The following ZFR variants were observed in gnomAD, a reference collection of about 807,000 sequenced individuals.
ZFR encodes zinc finger RNA binding protein, also known as zinc finger RNA-binding protein.
Under a neutral mutation model 130.7 loss-of-function variants are expected in ZFR, and 19 were observed. That is an observed-to-expected ratio of 0.15 (90% CI 0.10 to 0.21). The LOEUF (loss-of-function observed/expected upper bound fraction) is 0.21. Ranked by LOEUF, ZFR falls within the 10% of genes least tolerant of loss-of-function variation. ZFR has a pLI of 1.00. For synonymous variants in ZFR, 466 were observed against 456.9 expected (o/e 1.02, Z -0.25); for missense variants, 872 against 1,321.5 (o/e 0.66, Z 5.27).
intron 5 of ZFR, among the ~76,000 whole-genome samples, chr5:32,414,322 C>G (rs1231660103): frequency 6.6e-6 from 1 of 152,150 alleles, no homozygotes; most frequent in East Asian, 1.9e-4. Context: ...AAAGCTGAGT[C>G]TCTACAAAAA....
chr5:32,381,241 G>T (rs1359519392), intron 15 of ZFR, among the ~76,000 whole-genome samples: 2 of 152,090 alleles, frequency 1.3e-5, no homozygotes, highest in Non-Finnish European at 2.9e-5. Context: ...ACCAGGACAA[G>T]AAGTTAACTT....
chr5:32,414,732 T>C lies in ZFR; in HGVS notation c.784+237A>G, dbSNP rs573316817. 9.2e-5 allele frequency among the ~76,000 whole-genome samples: 14 copies of C among 152,314 alleles called. No individual in the cohort carries two copies. In the East Asian group the frequency reaches 2.1e-3, roughly 23 times the overall value. On this transcript the variant is annotated intron_variant, in intron 5 of 19. Coordinates refer to ENST00000265069, the MANE Select transcript of ZFR (RefSeq NM_016107.5). ...ATTGCAATGCTAAGCCCAAGACTCATAATGAGCCTTAAAACCCCCAAGAAC... is the reference window on the plus strand; with the variant it reads ...ATTGCAATGCTAAGCCCAAGACTCACAATGAGCCTTAAAACCCCCAAGAAC...
chr5:32,364,375 A>C, intron 17 of ZFR, 100 bp from the exon 18 acceptor site: 2 of 808,348 alleles, frequency 2.5e-6, no homozygotes, highest in Non-Finnish European at 3.9e-6. Flanking sequence ...AAGACTGAAA[A>C]AGCTACATAG....
rs1754043540 is a variant in ZFR at position 32,425,044 on chromosome 5, A to G, written c.138-4941T>C. On this transcript the variant is annotated intron_variant, in intron 2 of 19. Transcript: ENST00000265069. ...TTAACAGAAATAGTCTGAATTTGGG[A>G]AGAGGAGAAATGAGAAGAGAGCATA... 2.0e-5 allele frequency among the ~76,000 whole-genome samples: 3 copies of G among 152,180 alleles called. No individual in the cohort carries two copies. In the South Asian group the frequency reaches 6.2e-4, roughly 32 times the overall value.
At chr5:32,388,715 C>T in intron 12 of ZFR, 41 bp from the exon 13 acceptor site, 1 of 1,537,170 alleles carries the variant, frequency 6.5e-7, no homozygotes, top group Non-Finnish European at 8.8e-7. Context: ...AAAAAGTTTC[C>T]TGAGCAAAAG....
At position 32,363,974 on chromosome 5, in the gene ZFR, G is replaced by C; in HGVS notation, c.3019C>G (p.Arg1007Gly). Residue 1007 changes from arginine to glycine, a missense_variant, in exon 19 of 20, where the codon CGT becomes GGT. By Grantham distance (125) the Arg-to-Gly change is moderately radical (BLOSUM62 -2). Coordinates refer to ENST00000265069, the MANE Select transcript of ZFR (RefSeq NM_016107.5). ...TGTGCACTGGATGTGATGTCTTCAC[G>C]CTGCTGGTCAGTCATTGTTGCCAAG... ...DTLATMTDQQ[R>G]EDITSSAQFA... 1 of 1,614,018 alleles carries C rather than the reference G, an allele frequency of 6.2e-7. No individual in the cohort carries two copies. The highest frequency in any genetic ancestry group is 8.5e-7 in the Non-Finnish European group (1 of 1,179,980).
At chr5:32,428,686 C>T (rs1273600100) in intron 2 of ZFR, among the ~76,000 whole-genome samples, 3 of 152,192 alleles carry the variant, frequency 2.0e-5, no homozygotes, top group Admixed American at 6.5e-5. Flanking sequence ...GTCTGCCTAC[C>T]ACACTTTGAG....
chr5:32,384,110 TAA>T (rs1257537197), intron 15 of ZFR, among the ~76,000 whole-genome samples: 1 of 152,194 alleles, frequency 6.6e-6, no homozygotes, highest in African/African-American at 2.4e-5. Context: ...TAAATTTAAT[TAA>T]GTCTAAATAT....
chr5:32,406,878 T>A lies in ZFR; in HGVS notation c.928A>T (p.Lys310Ter), dbSNP rs1161330419. 1 of 1,613,920 alleles carries A rather than the reference T, an allele frequency of 6.2e-7. No individual in the cohort carries two copies. Among genetic ancestry groups the A allele is most frequent in the African/African-American group, 1.3e-5 (1 of 74,892 alleles). ...TGTTTATTTTGGAATGGTGCTTTTT[T>A]AGTAAAGGTGGTCCCTGTCCAGGCA... ...TAAWTGTTFT[K>*]KAPFQNKQLK... is the part of the protein sequence containing the mutation. The change falls in exon 6 of 20, where the codon AAA (lysine) becomes TAA (stop). Residue 310 changes from lysine (K) to a stop codon, truncating the protein, a stop_gained. Transcript: ENST00000265069. LOFTEE classifies it high-confidence loss of function.
chr5:32,403,862 T>A, intron 7 of ZFR, 44 bp downstream of exon 7: 1 of 1,494,772 alleles, frequency 6.7e-7, no homozygotes, highest in Non-Finnish European at 8.9e-7. Context: ...AAGTAAAAGA[T>A]AACAGAATCA....
Position 32,415,197 on chromosome 5 carries a change from G to T in ZFR, c.566-10C>A, listed in dbSNP as rs1407510213. 6.2e-7 allele frequency: 1 copy of T among 1,612,836 alleles called. No homozygotes were observed. The highest frequency in any genetic ancestry group is 1.7e-5 in the Admixed American group (1 of 59,988). ...TAACCTGCTTTGGGGGCTGAAGTAG[G>T]AAAGAGACATCAGAAAATTAGAAGA... On this transcript the variant is annotated splice_polypyrimidine_tract_variant and intron_variant, in intron 4 of 19. Transcript: ENST00000265069.
At chr5:32,412,926 T>G (rs1753741788) in intron 5 of ZFR, among the ~76,000 whole-genome samples, 1 of 152,264 alleles carries the variant, frequency 6.6e-6, no homozygotes, top group South Asian at 2.1e-4. Context: ...GGCTCATGCC[T>G]GTATTGTAAT....
chr5:32,409,618 G>C (rs911725405), intron 5 of ZFR, among the ~76,000 whole-genome samples: 4 of 151,994 alleles, frequency 2.6e-5, no homozygotes, highest in Non-Finnish European at 4.4e-5. Context: ...GGTGGCCAGG[G>C]TGGTCTGAAA....
intron 5 of ZFR, among the ~76,000 whole-genome samples, chr5:32,410,471 C>A (rs1054820320): frequency 1.9e-4 from 29 of 151,670 alleles, no homozygotes; most frequent in Admixed American, 8.5e-4. Flanking sequence ...AAAAAATTAG[C>A]CAGGCATGGT....
At chr5:32,432,181 C>T (rs1036500734) in intron 2 of ZFR, among the ~76,000 whole-genome samples, 3 of 151,972 alleles carry the variant, frequency 2.0e-5, no homozygotes, top group Non-Finnish European at 4.4e-5. Context: ...ATGCTGGTCT[C>T]GCTATGTTGA....
chr5:32,369,426 T>C (rs1752612555), intron 17 of ZFR, among the ~76,000 whole-genome samples: 3 of 151,718 alleles, frequency 2.0e-5, no homozygotes, highest in Admixed American at 1.3e-4. Flanking sequence ...AGAATAATTA[T>C]AGCAGTTTTC....
chr5:32,397,636 A>G (rs1753344921), intron 9 of ZFR, among the ~76,000 whole-genome samples: 1 of 151,822 alleles, frequency 6.6e-6, no homozygotes, highest in South Asian at 2.1e-4. Flanking sequence ...TGTTTTTTGT[A>G]TTTTTAGTAG....
At chr5:32,359,844 G>C (rs1752392323) in intron 19 of ZFR, among the ~76,000 whole-genome samples, 2 of 152,036 alleles carry the variant, frequency 1.3e-5, no homozygotes, top group South Asian at 4.1e-4. Context: ...CAGCTACTCA[G>C]GAGGCTGAGG....
At chr5:32,407,999 T>C (rs1198901054) in intron 5 of ZFR, among the ~76,000 whole-genome samples, 3 of 152,184 alleles carry the variant, frequency 2.0e-5, no homozygotes, top group Non-Finnish European at 4.4e-5. Context: ...GAATTTAAGA[T>C]GCCCTTTAAC....
Sources: allele counts gnomAD v4.1 joint callset (sites outside exome capture counted in the v4.1 genomes callset), GRCh38; gene constraint gnomAD v4.1.1; transcripts MANE v1.5; gene names NCBI Gene and HGNC (gene_info 2026-07-23, HGNC 2026-07-21).